Variants in TTK observed in about 807,000 individuals in gnomAD.
The protein encoded by TTK is dual specificity protein kinase TTK.
A neutral mutation model predicts 117.3 loss-of-function variants in TTK; 59 were observed. The ratio of observed to expected loss-of-function variants is 0.50; its 90% CI spans 0.41 to 0.62. The LOEUF (loss-of-function observed/expected upper bound fraction) is 0.62, where lower values mean the gene tolerates loss of function less well. TTK is among the 20% of genes least tolerant of loss of function. The pLI is 0.00. For missense variants in TTK, 921 were observed against 989.4 expected (o/e 0.93, Z 0.93); for synonymous variants, 302 against 325.0 (o/e 0.93, Z 0.76).
chr6:80,025,893 A>G (rs1487726276), intron 11 of TTK, among the ~76,000 whole-genome samples: 1 of 150,612 alleles, frequency 6.6e-6, no homozygotes, highest in African/African-American at 2.5e-5. Flanking sequence ...ATGCTTTTGG[A>G]AAAAGAATTT....
intron 4 of TTK, among the ~76,000 whole-genome samples, chr6:80,009,700 G>A (rs925788566): frequency 1.3e-5 from 2 of 151,970 alleles, no homozygotes; most frequent in African/African-American, 4.8e-5. Flanking sequence ...ATGCAATGTG[G>A]TCAAATGCAT....
intron 11 of TTK, 50 bp from the exon 12 acceptor site, chr6:80,026,328 C>T (rs1582103518): frequency 1.3e-6 from 2 of 1,564,842 alleles, no homozygotes; most frequent in African/African-American, 1.4e-5. Context: ...AACTAGTGAA[C>T]AGGCAACTAA....
intron 10 of TTK, among the ~76,000 whole-genome samples, chr6:80,019,746 CA>C (rs1257191816): frequency 6.6e-6 from 1 of 151,638 alleles, no homozygotes; most frequent in Non-Finnish European, 1.5e-5. Flanking sequence ...TCTTACTTGT[CA>C]AAAAAAATCA....
At chr6:80,008,868 T>C (rs1163103351) in intron 4 of TTK, among the ~76,000 whole-genome samples, 1 of 151,414 alleles carries the variant, frequency 6.6e-6, no homozygotes, top group African/African-American at 2.4e-5. Flanking sequence ...TATGGTTTCA[T>C]AGCACCAAAA....
chr6:80,005,925 A>C lies in TTK; in HGVS notation c.82A>C (p.Lys28Gln), dbSNP rs762701284. The change falls in exon 2 of 22, where the codon AAA becomes CAA. Residue 28 changes from lysine (K) to glutamine (Q), a missense_variant. Coordinates refer to ENST00000369798, the MANE Select transcript of TTK (RefSeq NM_003318.5). ...NKVRDIKNKFKNEDLTDELSL... is the reference protein window; with the variant it reads ...NKVRDIKNKFQNEDLTDELSL... ...AGTGAGAGACATTAAAAATAAGTTTAAAAATGAAGACCTTACTGATGAACT... is the reference window on the plus strand; with the variant it reads ...AGTGAGAGACATTAAAAATAAGTTTCAAAATGAAGACCTTACTGATGAACT... The C allele has an allele frequency of 6.2e-7, 1 of 1,612,750 alleles. No individual in the cohort carries two copies. The highest frequency in any genetic ancestry group is 1.1e-5 in the South Asian group (1 of 90,862).
At chr6:80,008,518 T>C in intron 4 of TTK, 26 bp downstream of exon 4, 1 of 1,579,196 alleles carries the variant, frequency 6.3e-7, no homozygotes, top group Non-Finnish European at 8.6e-7. Flanking sequence ...CAAATTCAAA[T>C]TTTAAGTAAA....
intron 14 of TTK, among the ~76,000 whole-genome samples, chr6:80,032,841 T>A (rs978481742): frequency 1.3e-5 from 2 of 152,244 alleles, no homozygotes; most frequent in Non-Finnish European, 2.9e-5. Flanking sequence ...CCTCCTGGTC[T>A]ATTTTTTTAA....
rs1767865033 is a variant in TTK, at chr6:80,035,260, T to C, written c.1773-6T>C. ...TGTTTTGTTGCTTTTATTTGTTTAA[T>C]TGCAGTGAAATCACGGACCAGTACA... On this transcript the variant is annotated splice_region_variant and splice_polypyrimidine_tract_variant and intron_variant, in intron 15 of 21. Transcript: ENST00000369798. The C allele has an allele frequency of 1.3e-6, 2 of 1,580,738 alleles. No homozygotes were observed. The highest frequency in any genetic ancestry group is 1.7e-6 in the Non-Finnish European group (2 of 1,167,932).
intron 4 of TTK, among the ~76,000 whole-genome samples, chr6:80,010,017 A>T (rs1767101216): frequency 6.6e-6 from 1 of 152,088 alleles, no homozygotes; most frequent in Non-Finnish European, 1.5e-5. Flanking sequence ...ATATTTTTAA[A>T]AATTTATAAA....
At chr6:80,017,933 C>T (rs914228045) in intron 10 of TTK, among the ~76,000 whole-genome samples, 6 of 152,098 alleles carry the variant, frequency 3.9e-5, no homozygotes, top group African/African-American at 1.4e-4. Flanking sequence ...ATCAGATATT[C>T]TTGATATTTT....
intron 11 of TTK, 46 bp from the exon 12 acceptor site, chr6:80,026,332 C>G (rs753706611): frequency 8.3e-6 from 13 of 1,571,748 alleles, no homozygotes; most frequent in Non-Finnish European, 1.0e-5. Flanking sequence ...AGTGAACAGG[C>G]AACTAATTTA....
At chr6:80,015,731 T>C (rs1208792140) in intron 10 of TTK, among the ~76,000 whole-genome samples, 4 of 152,192 alleles carry the variant, frequency 2.6e-5, no homozygotes, top group African/African-American at 9.6e-5. Context: ...AATACCTAAT[T>C]TAATGTTTTA....
At chr6:80,016,747 G>T (rs1562014889) in intron 10 of TTK, among the ~76,000 whole-genome samples, 1 of 152,162 alleles carries the variant, frequency 6.6e-6, no homozygotes, top group Non-Finnish European at 1.5e-5. Flanking sequence ...ACAAGCAGAA[G>T]TTTGTTAACA....
intron 4 of TTK, among the ~76,000 whole-genome samples, chr6:80,009,486 T>C (rs1295678511): frequency 1.3e-5 from 2 of 152,114 alleles, no homozygotes; most frequent in African/African-American, 4.8e-5. Context: ...GGATTCCTCC[T>C]TGCTTGTTAG....
chr6:80,018,565 A>G (rs1388971628), intron 10 of TTK, among the ~76,000 whole-genome samples: 2 of 149,924 alleles, frequency 1.3e-5, no homozygotes, highest in African/African-American at 4.9e-5. Flanking sequence ...CGGAAGTTGC[A>G]GTGAGCTGAG....
At chr6:80,041,565 T>C (rs1270730379) in intron 21 of TTK, among the ~76,000 whole-genome samples, 2 of 151,680 alleles carry the variant, frequency 1.3e-5, no homozygotes, top group African/African-American at 4.8e-5. Context: ...AAGCCTCTTA[T>C]AGCTATAGTT....
Position 80,035,408 on chromosome 6 carries a change from C to A in TTK, c.1915C>A (p.His639Asn). The stretch of plus-strand genomic sequence containing the variant: ...TATGTTAGAGGCAGTTCACACAATC[C>A]ATCAACATGGTATTTAACAGTTTTT... ...KNMLEAVHTI[H>N]QHGIVHSDLK... Residue 639 changes from histidine (H) to asparagine (N), a missense_variant, in exon 16 of 22, where the codon CAT becomes AAT. Physicochemically the swap from His to Asn is moderately conservative, Grantham distance 68. Transcript: ENST00000369798. The A allele has an allele frequency of 6.2e-7, 1 of 1,602,374 alleles. No homozygotes were observed. Among genetic ancestry groups the A allele is most frequent in the South Asian group, 1.1e-5 (1 of 88,152 alleles).
Position 80,007,725 on chromosome 6 carries a change from G to A in TTK, c.140-84G>A, listed in dbSNP as rs189494306. 11 of 1,143,888 alleles carry A rather than the reference G, an allele frequency of 9.6e-6. No individual in the cohort carries two copies. The East Asian group carries it at 1.8e-4, about 19-fold the overall frequency. 70.9% of individuals were successfully genotyped at this position (1,143,888 alleles called of 1,614,324 possible). On this transcript the variant is annotated intron_variant, in intron 2 of 21. Transcript: ENST00000369798. Reference sequence around the variant, plus strand: ...GTACATTGATACTGACAGTACAAATGTTTGACTATATTTTGAAGGAAAAAT... The same window carrying A: ...GTACATTGATACTGACAGTACAAATATTTGACTATATTTTGAAGGAAAAAT...
chr6:80,029,584 A>G (rs1318990457), intron 13 of TTK, among the ~76,000 whole-genome samples: 1 of 152,234 alleles, frequency 6.6e-6, no homozygotes, highest in African/African-American at 2.4e-5. Flanking sequence ...GGAGCCTTCT[A>G]GAAGAGGCCA....
Sources: gnomAD v4.1 joint callset for allele counts (sites outside exome capture counted in the v4.1 genomes callset) on GRCh38, gnomAD v4.1.1 for gene constraint, MANE v1.5 for transcripts, NCBI Gene and HGNC (gene_info 2026-07-23, HGNC 2026-07-21) for gene names.